Variants in RPH3A observed in about 807,000 individuals in gnomAD.
The protein encoded by RPH3A is rabphilin-3A.
Under a neutral mutation model 102.2 loss-of-function variants are expected in RPH3A, and 48 were observed. The observed-to-expected ratio is 0.47, with a 90% CI of 0.37 to 0.60. RPH3A has a LOEUF of 0.60. Ranked by LOEUF, RPH3A falls within the 20% of genes least tolerant of loss-of-function variation. The pLI is 0.00. For missense variants in RPH3A, 781 were observed against 910.1 expected (o/e 0.86, Z 1.83); for synonymous variants, 310 against 324.3 (o/e 0.96, Z 0.47).
intron 1 of RPH3A, among the ~76,000 whole-genome samples, chr12:112,749,884 T>A (rs1321664428): frequency 6.6e-6 from 1 of 152,086 alleles, no homozygotes; most frequent in Non-Finnish European, 1.5e-5. Flanking sequence ...TCTCTCTTTT[T>A]GTTTTTGTTT....
Position 112,581,964 on chromosome 12 carries a change from T to C in RPH3A, c.-140+6645T>C, listed in dbSNP as rs530855619. Among the ~76,000 whole-genome samples the C allele has an allele frequency of 9.5e-5, 14 of 147,876 alleles. 1 individual carries two copies. The highest frequency in any genetic ancestry group is 1.9e-4 in the Non-Finnish European group (13 of 67,142). On this transcript the variant is annotated intron_variant, in intron 1 of 21. Transcript: ENST00000543106. ...CAGATCTAAGATTCCTTGACACACC[T>C]ACCAACAAATGTTTCAATTTTAATA... is the stretch of plus-strand genomic sequence containing the variant.
At chr12:112,835,018 G>T (rs1430513827) in intron 3 of RPH3A, among the ~76,000 whole-genome samples, 1 of 152,088 alleles carries the variant, frequency 6.6e-6, no homozygotes, top group Non-Finnish European at 1.5e-5. Flanking sequence ...TCCCAGAGCT[G>T]CATTTTTTTT....
chr12:112,644,155 G>A lies in RPH3A; in HGVS notation c.-140+68836G>A, dbSNP rs577289554. ...ACTGGAGACTTGGAAGGGTGGGAGT[G>A]TGGAAGGGAGCTGAAGTATAAGAGA... On this transcript the variant is annotated intron_variant, in intron 1 of 21. Transcript: ENST00000543106. Among the ~76,000 whole-genome samples, 25 of 152,326 alleles carry A rather than the reference G, an allele frequency of 1.6e-4. 1 individual carries two copies. Among genetic ancestry groups the A allele is most frequent in the African/African-American group, 5.3e-4 (22 of 41,556 alleles).
chr12:112,710,637 G>A (rs2040454412), intron 1 of RPH3A, among the ~76,000 whole-genome samples: 1 of 152,166 alleles, frequency 6.6e-6, no homozygotes, highest in Admixed American at 6.5e-5. Context: ...CATAACAAAT[G>A]AGGCAGTTTT....
chr12:112,710,916 T>C (rs1191855357), intron 1 of RPH3A, among the ~76,000 whole-genome samples: 1 of 152,184 alleles, frequency 6.6e-6, no homozygotes, highest in Non-Finnish European at 1.5e-5. Flanking sequence ...AGTAGGTGCT[T>C]AATAAATATT....
chr12:112,749,747 A>G (rs1224695339), intron 1 of RPH3A, among the ~76,000 whole-genome samples: 1 of 152,230 alleles, frequency 6.6e-6, no homozygotes, highest in Non-Finnish European at 1.5e-5. Flanking sequence ...CTTAAACATT[A>G]ATGTCTGCCT....
chr12:112,749,456 C>T (rs1282505413), intron 1 of RPH3A, among the ~76,000 whole-genome samples: 1 of 152,112 alleles, frequency 6.6e-6, no homozygotes, highest in Non-Finnish European at 1.5e-5. Context: ...CTTTCAGTTC[C>T]CTTTCTACTC....
At chr12:112,663,107 C>CGA (rs113192025) in intron 1 of RPH3A, among the ~76,000 whole-genome samples, 1,506 of 129,844 alleles carry the variant, frequency 0.012, 32 homozygotes, top group African/African-American at 0.047. Flanking sequence ...AGAGAGAGAG[C>CGA]GAGAGAGAGA....
chr12:112,748,334 C>A (rs2040762305), intron 1 of RPH3A, among the ~76,000 whole-genome samples: 1 of 152,066 alleles, frequency 6.6e-6, no homozygotes, highest in Non-Finnish European at 1.5e-5. Context: ...CCACCCCACT[C>A]CCCCACTGTT....
At chr12:112,678,299 A>G (rs369161909) in intron 1 of RPH3A, among the ~76,000 whole-genome samples, 9,332 of 36,008 alleles carry the variant, frequency 0.26, 1,456 homozygotes, top group African/African-American at 0.5. Context: ...GAAAGAAAGA[A>G]AGAAAGAGAG....
In RPH3A at chr12:112,616,723, C is replaced by T. The variant is rs144986785; in HGVS notation, c.-140+41404C>T. On this transcript the variant is annotated intron_variant, in intron 1 of 21. Coordinates refer to the RPH3A transcript ENST00000543106. Reference sequence around the variant, plus strand: ...CTGCTTTTCAATGGACCTCAAGGAACATTCTCCTTTCCTTTCTCACCTGAT... The same window carrying T: ...CTGCTTTTCAATGGACCTCAAGGAATATTCTCCTTTCCTTTCTCACCTGAT... Among the ~76,000 whole-genome samples the T allele has an allele frequency of 3.0e-3, 463 of 152,350 alleles. 2 individuals carry two copies. Among genetic ancestry groups the T allele is most frequent in the African/African-American group, 0.011 (439 of 41,582 alleles).
chr12:112,636,995 A>G (rs2039853334), intron 1 of RPH3A, among the ~76,000 whole-genome samples: 1 of 151,874 alleles, frequency 6.6e-6, no homozygotes, highest in Non-Finnish European at 1.5e-5. Context: ...TGTCCACCCC[A>G]CTTTGTTGAA....
At position 112,896,757 on chromosome 12, in the gene RPH3A, G is replaced by A; in HGVS notation, c.2062G>A (p.Glu688Lys). ...KIERWHQLQN[E>K]NHVSSD Reference sequence around the variant, plus strand: ...AGAGCGCTGGCACCAGCTACAGAATGAGAACCACGTGTCAAGTGATTAGGC... The same window carrying A: ...AGAGCGCTGGCACCAGCTACAGAATAAGAACCACGTGTCAAGTGATTAGGC... Residue 688 changes from glutamate to lysine, a missense_variant, in exon 22 of 22, where the codon GAG (glutamate) becomes AAG (lysine). Physicochemically the swap from Glu to Lys is moderately conservative, Grantham distance 56. Around this residue, in one of 2 missense-constraint regions of RPH3A, gnomAD observed 51 missense variants for 100.1 expected, o/e 0.51. Transcript: ENST00000389385. 2 of 1,614,120 alleles carry A rather than the reference G, an allele frequency of 1.2e-6. No individual in the cohort carries two copies. The highest frequency in any genetic ancestry group is 8.5e-7 in the Non-Finnish European group (1 of 1,179,998).
chr12:112,725,154 C>T lies in RPH3A; in HGVS notation c.-139-66989C>T, dbSNP rs528058206. Among the ~76,000 whole-genome samples, 634 of 135,038 alleles carry T rather than the reference C, an allele frequency of 4.7e-3. 2 individuals are homozygous for T. Among genetic ancestry groups the T allele is most frequent in the Non-Finnish European group, 7.8e-3 (505 of 64,628 alleles). The allele number at this position is 135,038 out of a possible 152,430, so 88.6% of individuals were successfully genotyped here. On this transcript the variant is annotated intron_variant, in intron 1 of 21. Coordinates refer to the RPH3A transcript ENST00000543106. ...ATCCCAGCTACTTGGGAGGCTGAGG[C>T]GGGAGAATTGCTTGAACCTGAGAGG...
At chr12:112,745,541 A>G (rs2040739718) in intron 1 of RPH3A, among the ~76,000 whole-genome samples, 1 of 152,166 alleles carries the variant, frequency 6.6e-6, no homozygotes, top group African/African-American at 2.4e-5. Flanking sequence ...GTATATTGAC[A>G]TGGACTCATG....
intron 1 of RPH3A, among the ~76,000 whole-genome samples, chr12:112,621,559 G>A (rs533747657): frequency 1.4e-4 from 20 of 146,926 alleles, no homozygotes; most frequent in Admixed American, 1.1e-3. Flanking sequence ...AGGGTCCTAC[G>A]CCCACGGAGT....
intron 1 of RPH3A, among the ~76,000 whole-genome samples, chr12:112,710,807 T>C (rs910303540): frequency 6.6e-6 from 1 of 152,238 alleles, no homozygotes; most frequent in Non-Finnish European, 1.5e-5. Flanking sequence ...TCCCTTTCTT[T>C]TCCGTTTCTG....
intron 1 of RPH3A, among the ~76,000 whole-genome samples, chr12:112,679,717 C>T (rs2136015548): frequency 6.6e-6 from 1 of 152,356 alleles, no homozygotes; most frequent in South Asian, 2.1e-4. Flanking sequence ...TGAGCCACCA[C>T]ACCCGGCCTA....
chr12:112,862,841 C>T (rs1036123424), intron 5 of RPH3A, among the ~76,000 whole-genome samples: 27 of 152,362 alleles, frequency 1.8e-4, no homozygotes, highest in African/African-American at 5.3e-4. Flanking sequence ...CAACGAGGGC[C>T]GTGGGGAGAG....
Sources: allele counts gnomAD v4.1 joint callset (sites outside exome capture counted in the v4.1 genomes callset), GRCh38; gene constraint gnomAD v4.1.1; regional missense constraint gnomAD v4.1.1; transcripts MANE v1.5; gene names NCBI Gene and HGNC (gene_info 2026-07-23, HGNC 2026-07-21).